The following RPL28 variants were observed in gnomAD, a reference collection of about 807,000 sequenced individuals.
The protein encoded by RPL28 is large ribosomal subunit protein eL28.
In RPL28, 4 loss-of-function variants were observed where a neutral mutation model predicts 12.5. That is an observed-to-expected ratio of 0.32 (90% CI 0.16 to 0.73). The LOEUF (loss-of-function observed/expected upper bound fraction) is 0.73. Among genes scored for constraint, RPL28 ranks in the 30% least tolerant of loss-of-function variants. The pLI, the probability that RPL28 is intolerant of heterozygous loss-of-function variation, is 0.66. For missense variants in RPL28, 214 were observed against 197.7 expected (o/e 1.08, Z -0.49); for synonymous variants, 91 against 72.5 (o/e 1.26, Z -1.30).
At chr19:55,396,661 A>G (rs2090026046), downstream of RPL28, among the ~76,000 whole-genome samples, 1 of 139,794 alleles carries the variant, frequency 7.2e-6, no homozygotes, top group Non-Finnish European at 1.5e-5. Context: ...GCTCACTGCA[A>G]GTTCCACCTC....
chr19:55,393,194 T>G (rs1476349468), downstream of RPL28, among the ~76,000 whole-genome samples: 2 of 150,616 alleles, frequency 1.3e-5, no homozygotes, highest in Non-Finnish European at 2.9e-5. Flanking sequence ...AGTAGCAAAT[T>G]GATCTTTACA....
rs910159842 is a variant in RPL28 at position 55,387,131 on chromosome 19, T to A, written c.205+438T>A. The A allele has an allele frequency of 7.6e-6, 10 of 1,324,460 alleles. No individual in the cohort carries two copies. In the African/African-American group the frequency reaches 1.5e-4, roughly 20 times the overall value. The allele number at this position is 1,324,460 out of a possible 1,614,324, so 82.0% of individuals were successfully genotyped here. A position where few individuals can be genotyped will look rare whatever the true frequency, so the allele number is the denominator to read the frequency against. Reference sequence around the variant, plus strand: ...TTGATTCCCATTTTGCCTGTGTAGGTTAGAGAAGAGGTCTTGGGGACCCCA... The same window carrying A: ...TTGATTCCCATTTTGCCTGTGTAGGATAGAGAAGAGGTCTTGGGGACCCCA... On this transcript the variant is annotated intron_variant, in intron 3 of 4. Transcript: ENST00000344063.
chr19:55,392,824 C>T (rs992492985), downstream of RPL28, among the ~76,000 whole-genome samples: 6 of 152,026 alleles, frequency 3.9e-5, no homozygotes, highest in African/African-American at 7.3e-5. Flanking sequence ...CCACCGCGTC[C>T]GGCCCCAGCC....
At chr19:55,386,472 A>T in intron 2 of RPL28, 34 bp downstream of exon 2, 1 of 1,611,666 alleles carries the variant, frequency 6.2e-7, no homozygotes, top group Non-Finnish European at 8.5e-7. Flanking sequence ...CTCCTGCGGG[A>T]GGAGGGTCCT....
chr19:55,391,793 G>A lies in RPL28; in HGVS notation c.*3461G>A. 2 of 1,098,762 alleles carry A rather than the reference G, an allele frequency of 1.8e-6. No homozygotes were observed. Among genetic ancestry groups the A allele is most frequent in the Non-Finnish European group, 2.4e-6 (2 of 825,040 alleles). The allele number at this position is 1,098,762 out of a possible 1,614,324, so 68.1% of individuals were successfully genotyped here. ...AAATATTTTGATCAGATGGACTCAT[G>A]ATCACAGATGTCTTCACATGCCTAT... is the stretch of plus-strand genomic sequence containing the variant. On this transcript the variant is annotated 3_prime_UTR_variant, in exon 5 of 5. Transcript: ENST00000344063.
intron 4 of RPL28, among the ~76,000 whole-genome samples, chr19:55,398,453 C>G (rs1317003243): frequency 6.6e-6 from 1 of 152,186 alleles, no homozygotes; most frequent in East Asian, 1.9e-4. Context: ...TCCTAGTGCT[C>G]CGCCACCTTG....
At chr19:55,400,661 G>A (rs1459529405) in intron 4 of RPL28, 1 of 152,252 alleles carries the variant, frequency 6.6e-6, no homozygotes, top group Non-Finnish European at 1.5e-5. Flanking sequence ...CCCAGACTAA[G>A]GAACACCAAC....
Position 55,388,132 on chromosome 19 carries a change from C to T in RPL28, c.324+84C>T, listed in dbSNP as rs747614275. ...CTCCCACTACTGGTTGCAATATGGG[C>T]TGGAGAGGGATGGATTCTTGCTTTC... On this transcript the variant is annotated intron_variant, in intron 4 of 4. Transcript: ENST00000344063. The T allele has an allele frequency of 8.8e-6, 14 of 1,588,624 alleles. No individual in the cohort carries two copies. The South Asian group carries it at 1.5e-4, about 17-fold the overall frequency.
rs1205647501 is a variant in RPL28, at chr19:55,390,340, G to GATTAC, written c.*2010_*2014dup. 2.8e-6 allele frequency: 2 copies of GATTAC among 703,510 alleles called. No individual in the cohort carries two copies. Among genetic ancestry groups the GATTAC allele is most frequent in the African/African-American group, 3.9e-5 (2 of 51,522 alleles). The allele number at this position is 703,510 out of a possible 1,614,324, so 43.6% of individuals were successfully genotyped here. On this transcript the variant is annotated 3_prime_UTR_variant, in exon 5 of 5. Transcript: ENST00000344063. ...CTGCCTCAGCCTCCCGAGTAGCTGGGATTACAGGTGGGTGTCACCACACCC... is the reference window on the plus strand; with the variant it reads ...CTGCCTCAGCCTCCCGAGTAGCTGGGATTACATTACAGGTGGGTGTCACCACACCC...
chr19:55,403,034 G>C (rs1253892628), exon 5 of RPL28: 1 of 1,490,946 alleles, frequency 6.7e-7, no homozygotes, highest in Non-Finnish European at 9.0e-7. Flanking sequence ...ACCGCAGCCA[G>C]GTCATTCTGT....
In RPL28 at chr19:55,391,581, C is replaced by G; in HGVS notation, c.*3249C>G. On this transcript the variant is annotated 3_prime_UTR_variant, in exon 5 of 5. Transcript: ENST00000344063. ...CATGCTGGCATCTACTGGGTCAGGG[C>G]TCTGCTGCTCGGTGGCTGTGCAACC... 6.5e-7 allele frequency: 1 copy of G among 1,547,642 alleles called. No homozygotes were observed. The highest frequency in any genetic ancestry group is 8.7e-7 in the Non-Finnish European group (1 of 1,143,620).
chr19:55,390,718 G>T lies in RPL28; in HGVS notation c.*2386G>T. 1.0e-6 allele frequency: 1 copy of T among 985,430 alleles called. No homozygotes were observed. The highest frequency in any genetic ancestry group is 1.2e-6 in the Non-Finnish European group (1 of 829,956). The allele number at this position is 985,430 out of a possible 1,614,324, so 61.0% of individuals were successfully genotyped here. A position where few individuals can be genotyped will look rare whatever the true frequency, so the allele number is the denominator to read the frequency against. On this transcript the variant is annotated 3_prime_UTR_variant, in exon 5 of 5. Transcript: ENST00000344063. ...GGTGGCCAGCCTGTCTGTGTGGCTGGGCTGGGGAGGCCACGTCTGGTATCT... is the reference window on the plus strand; with the variant it reads ...GGTGGCCAGCCTGTCTGTGTGGCTGTGCTGGGGAGGCCACGTCTGGTATCT...
At chr19:55,402,345 T>C (rs2090066055) in intron 4 of RPL28, among the ~76,000 whole-genome samples, 1 of 152,240 alleles carries the variant, frequency 6.6e-6, no homozygotes, top group Non-Finnish European at 1.5e-5. Context: ...CTAGCTGGGT[T>C]GGACCACACA....
At chr19:55,399,153 A>ATT (rs1435211785) in intron 4 of RPL28, among the ~76,000 whole-genome samples, 1 of 146,486 alleles carries the variant, frequency 6.8e-6, no homozygotes, top group Non-Finnish European at 1.5e-5. Flanking sequence ...TGCCTGGCTA[A>ATT]TTTTTTTCTT....
chr19:55,399,576 T>C (rs1408414617), intron 4 of RPL28, among the ~76,000 whole-genome samples: 4 of 152,120 alleles, frequency 2.6e-5, no homozygotes, highest in Admixed American at 6.6e-5. Flanking sequence ...GGTTGGTAGG[T>C]ATGGGTGGGG....
At position 55,391,922 on chromosome 19, in the gene RPL28, C is replaced by A. The variant is rs1050494826; in HGVS notation, c.*3590C>A. 48 of 1,286,182 alleles carry A rather than the reference C, an allele frequency of 3.7e-5. No homozygotes were observed. The East Asian group carries it at 1.3e-3, about 34-fold the overall frequency. 79.7% of individuals were successfully genotyped at this position (1,286,182 alleles called of 1,614,324 possible). A position where few individuals can be genotyped will look rare whatever the true frequency, so the allele number is the denominator to read the frequency against. On this transcript the variant is annotated 3_prime_UTR_variant, in exon 5 of 5. Transcript: ENST00000344063. ...GGTGGCTCCAGGTCTGCCCCGCCGT[C>A]CTGTGGGGCTGTGAGCTTTCCCAGC... is the stretch of plus-strand genomic sequence containing the variant.
chr19:55,386,085 C>T (rs1316568839), intron 1 of RPL28, 120 bp downstream of exon 1: 1 of 458,712 alleles, frequency 2.2e-6, no homozygotes, highest in Non-Finnish European at 4.1e-6. Flanking sequence ...CAACCCCTCC[C>T]CGTGAAGTCG....
chr19:55,393,105 C>T (rs542605712), downstream of RPL28, among the ~76,000 whole-genome samples: 24 of 151,846 alleles, frequency 1.6e-4, no homozygotes, highest in African/African-American at 5.1e-4. Context: ...GTCTGAATCA[C>T]ACCTCCAGCG....
At chr19:55,400,325 A>AT (rs564905881) in intron 4 of RPL28, 1 of 152,118 alleles carries the variant, frequency 6.6e-6, no homozygotes, top group African/African-American at 2.4e-5. Context: ...CCTATTTTTA[A>AT]TTTTTTTAAA....
Sources: allele counts gnomAD v4.1 joint callset (sites outside exome capture counted in the v4.1 genomes callset), GRCh38; gene constraint gnomAD v4.1.1; transcripts MANE v1.5; gene names NCBI Gene and HGNC (gene_info 2026-07-23, HGNC 2026-07-21).